The following DGKB variants were observed in gnomAD, a reference collection of about 807,000 sequenced individuals.
The protein encoded by DGKB is diacylglycerol kinase beta.
Under a neutral mutation model 114.3 loss-of-function variants are expected in DGKB, and 67 were observed. The ratio of observed to expected loss-of-function variants is 0.59; its 90% confidence interval spans 0.48 to 0.72. The LOEUF is 0.72. Ranked by LOEUF, DGKB falls within the 30% of genes least tolerant of loss-of-function variation. DGKB has a pLI of 0.00. For synonymous variants in DGKB, 398 were observed against 323.1 expected (o/e 1.23, Z -2.49); for missense variants, 907 against 975.2 (o/e 0.93, Z 0.93).
chr7:14,629,104 C>T (rs562469750), intron 14 of DGKB, among the ~76,000 whole-genome samples: 2 of 151,750 alleles, frequency 1.3e-5, no homozygotes, highest in African/African-American at 2.4e-5. Context: ...GGCTGGTAAT[C>T]GGGGCAGAAA....
chr7:14,227,998 T>C (rs1038029531), intron 23 of DGKB, among the ~76,000 whole-genome samples: 1 of 152,022 alleles, frequency 6.6e-6, no homozygotes, highest in Non-Finnish European at 1.5e-5. Context: ...TGTTAAGCCC[T>C]TGTCTATGCT....
At chr7:14,186,899 A>G (rs927143831) in intron 23 of DGKB, among the ~76,000 whole-genome samples, 1 of 152,132 alleles carries the variant, frequency 6.6e-6, no homozygotes, top group Non-Finnish European at 1.5e-5. Flanking sequence ...GGGATAAAAG[A>G]CTACAAATAT....
chr7:14,539,694 T>C (rs1188805850), intron 20 of DGKB, among the ~76,000 whole-genome samples: 3 of 152,136 alleles, frequency 2.0e-5, no homozygotes, highest in African/African-American at 7.2e-5. Context: ...GGCTATTCAG[T>C]TCCTCAGACA....
intron 13 of DGKB, among the ~76,000 whole-genome samples, chr7:14,655,300 A>T (rs191390937): frequency 1.4e-4 from 21 of 151,842 alleles, no homozygotes; most frequent in African/African-American, 5.1e-4. Flanking sequence ...CAGCATCACT[A>T]ATCATCAGGG....
chr7:14,911,509 C>G (rs1047616762), intron 1 of DGKB, among the ~76,000 whole-genome samples: 1 of 152,238 alleles, frequency 6.6e-6, no homozygotes, highest in South Asian at 2.1e-4. Flanking sequence ...GGCTCCAACA[C>G]TCAGCTCAAT....
intron 25 of DGKB, among the ~76,000 whole-genome samples, chr7:14,153,584 T>G (rs1311967715): frequency 6.6e-6 from 1 of 152,022 alleles, no homozygotes; most frequent in Non-Finnish European, 1.5e-5. Context: ...TCCTGGGCCC[T>G]CCTTGCTAAT....
At chr7:14,534,188 T>G (rs143597302) in intron 20 of DGKB, among the ~76,000 whole-genome samples, 1 of 152,072 alleles carries the variant, frequency 6.6e-6, no homozygotes, top group East Asian at 1.9e-4. Context: ...AATAAAAGTA[T>G]AGAGGGCTCA....
At chr7:14,342,763 T>C (rs1811818962) in intron 22 of DGKB, among the ~76,000 whole-genome samples, 1 of 151,928 alleles carries the variant, frequency 6.6e-6, no homozygotes, top group East Asian at 1.9e-4. Flanking sequence ...AGACAGTTAA[T>C]AATAGGTAAA....
chr7:14,757,674 G>A lies in DGKB; in HGVS notation c.128C>T (p.Ala43Val). ...TTTTACCCCTTCAGGATTATACTTT[G>A]CAAGCACACCATTACCATGGAATTC... ...LEEFHGNGVLAKYNPEGKQDI... is the reference protein window; with the variant it reads ...LEEFHGNGVLVKYNPEGKQDI... Residue 43 changes from alanine (A) to valine (V), a missense_variant, in exon 3 of 26, where the codon GCA (alanine) becomes GTA (valine). Physicochemically the swap from Ala to Val is moderately conservative, Grantham distance 64. Around this residue, in one of 3 missense-constraint regions of DGKB, gnomAD observed 814 missense variants for 856.6 expected, o/e 0.95. Coordinates refer to ENST00000402815, the MANE Select transcript of DGKB (RefSeq NM_001350709.2). 6.2e-7 allele frequency: 1 copy of A among 1,602,048 alleles called. No homozygotes were observed. Among genetic ancestry groups the A allele is most frequent in the Non-Finnish European group, 8.5e-7 (1 of 1,170,842 alleles).
rs148532554 is a variant in DGKB at position 14,801,270 on chromosome 7, C to T, written c.70+39924G>A. ...TTTTCAGTTGTATGCAGGATAGTTG[C>T]ATCATGTTAGGCAGAATTATGATCT... On this transcript the variant is annotated intron_variant, in intron 2 of 25. Coordinates refer to ENST00000402815, the MANE Select transcript of DGKB (RefSeq NM_001350709.2). Among the ~76,000 whole-genome samples, 293 of 152,190 alleles carry T rather than the reference C, an allele frequency of 1.9e-3. 2 individuals are homozygous for T. Among genetic ancestry groups the T allele is most frequent in the Middle Eastern group, 0.014 (4 of 294 alleles).
chr7:14,773,229 G>A (rs976837357), intron 2 of DGKB, among the ~76,000 whole-genome samples: 4 of 151,964 alleles, frequency 2.6e-5, no homozygotes, highest in African/African-American at 4.8e-5. Flanking sequence ...TTTATATTAC[G>A]AAAAAGTCTT....
At chr7:14,465,914 T>A (rs1009383970) in intron 21 of DGKB, among the ~76,000 whole-genome samples, 3 of 151,866 alleles carry the variant, frequency 2.0e-5, no homozygotes, top group African/African-American at 7.3e-5. Context: ...GCTGCTGGTG[T>A]ACACAATTAT....
At chr7:14,220,406 C>T (rs1789746287) in intron 23 of DGKB, among the ~76,000 whole-genome samples, 1 of 151,402 alleles carries the variant, frequency 6.6e-6, no homozygotes, top group African/African-American at 2.4e-5. Flanking sequence ...GGTCTTGGCA[C>T]TCTTATCTAA....
chr7:14,349,866 A>C (rs1411410140), intron 21 of DGKB, among the ~76,000 whole-genome samples: 1 of 152,158 alleles, frequency 6.6e-6, no homozygotes, highest in Non-Finnish European at 1.5e-5. Flanking sequence ...ATAGCTTTGG[A>C]CTTTAAGAAT....
chr7:14,737,835 A>C (rs932827437), intron 4 of DGKB, among the ~76,000 whole-genome samples: 1 of 151,472 alleles, frequency 6.6e-6, no homozygotes, highest in African/African-American at 2.4e-5. Context: ...TGGAGGTTGC[A>C]GTCAGCTGAG....
intron 9 of DGKB, 44 bp from the exon 10 acceptor site, chr7:14,685,406 A>C (rs2128976026): frequency 7.2e-7 from 1 of 1,383,142 alleles, no homozygotes; most frequent in Middle Eastern, 1.8e-4. Context: ...AATGAAATAA[A>C]CAGTGAAAGA....
At position 14,926,563 on chromosome 7, in the gene DGKB, C is replaced by T. The variant is rs76729808; in HGVS notation, c.-188+48133G>A. Among the ~76,000 whole-genome samples the T allele has an allele frequency of 9.0e-4, 135 of 150,812 alleles. 1 individual carries two copies. Among genetic ancestry groups the T allele is most frequent in the African/African-American group, 3.2e-3 (131 of 41,254 alleles). On this transcript the variant is annotated intron_variant, in intron 1 of 4. Coordinates refer to the DGKB transcript ENST00000437998. Reference sequence around the variant, plus strand: ...AATAAGCTTCTCTATCGTCATGGAACCAGAAGTCCCATATTTCAAGATTTT... The same window carrying T: ...AATAAGCTTCTCTATCGTCATGGAATCAGAAGTCCCATATTTCAAGATTTT...
intron 20 of DGKB, among the ~76,000 whole-genome samples, chr7:14,553,865 C>CTGT (rs1795470029): frequency 1.4e-5 from 1 of 71,226 alleles, no homozygotes; most frequent in Non-Finnish European, 2.4e-5. Flanking sequence ...CCTTTACATG[C>CTGT]TTTTTTTTTT....
intron 2 of DGKB, among the ~76,000 whole-genome samples, chr7:14,826,549 T>C (rs1478985614): frequency 6.6e-6 from 1 of 152,120 alleles, no homozygotes; most frequent in Non-Finnish European, 1.5e-5. Flanking sequence ...TTTATTATAA[T>C]GATCACCTAA....
Sources: allele counts gnomAD v4.1 joint callset (sites outside exome capture counted in the v4.1 genomes callset), GRCh38; gene constraint gnomAD v4.1.1; regional missense constraint gnomAD v4.1.1; transcripts MANE v1.5; gene names NCBI Gene and HGNC (gene_info 2026-07-23, HGNC 2026-07-21).